The following SYT1 variants were observed in gnomAD, a reference collection of about 807,000 sequenced individuals.
The protein encoded by SYT1 is synaptotagmin-1.
In SYT1, 8 loss-of-function variants were observed where a neutral mutation model predicts 44.8. The ratio of observed to expected loss-of-function variants is 0.18; its 90% CI spans 0.10 to 0.32. The LOEUF (loss-of-function observed/expected upper bound fraction) is 0.32, where lower values mean the gene tolerates loss of function less well. SYT1 is among the 10% of genes least tolerant of loss of function. The probability of loss-of-function intolerance (pLI) is 1.00; values close to 1 mark genes in which losing one functional copy is unlikely to be tolerated. For synonymous variants in SYT1, 154 were observed against 188.8 expected (o/e 0.82, Z 1.51); for missense variants, 286 against 509.3 (o/e 0.56, Z 4.22).
chr12:79,212,908 G>A (rs1874547399), intron 3 of SYT1, among the ~76,000 whole-genome samples: 1 of 152,160 alleles, frequency 6.6e-6, no homozygotes, highest in Non-Finnish European at 1.5e-5. Flanking sequence ...ATAAGATTGA[G>A]TTACTTTTCA....
intron 9 of SYT1, among the ~76,000 whole-genome samples, chr12:79,382,174 G>A (rs1040964139): frequency 4.6e-5 from 7 of 152,148 alleles, no homozygotes; most frequent in South Asian, 2.1e-4. Flanking sequence ...GTTGCTTTAG[G>A]GAAGTGACTA....
At chr12:78,895,572 C>T (rs1016697064) in intron 1 of SYT1, among the ~76,000 whole-genome samples, 22 of 151,514 alleles carry the variant, frequency 1.5e-4, no homozygotes, top group African/African-American at 4.8e-4. Flanking sequence ...TAACACAATT[C>T]CATTTGTTGT....
At chr12:79,390,457 T>C (rs2136092233) in intron 9 of SYT1, among the ~76,000 whole-genome samples, 1 of 152,312 alleles carries the variant, frequency 6.6e-6, no homozygotes, top group East Asian at 1.9e-4. Context: ...ATTCTACAAT[T>C]TTTTTAAAAG....
chr12:79,130,876 T>G (rs893646941), intron 3 of SYT1, among the ~76,000 whole-genome samples: 1 of 152,208 alleles, frequency 6.6e-6, no homozygotes, highest in African/African-American at 2.4e-5. Context: ...CCCTTCATAG[T>G]TCTTAACACA....
At chr12:78,914,477 T>TTG (rs1876529213) in intron 1 of SYT1, among the ~76,000 whole-genome samples, 1 of 53,924 alleles carries the variant, frequency 1.9e-5, no homozygotes, top group Non-Finnish European at 3.6e-5. Context: ...CAGCAACAAA[T>TTG]TATAATTTGT....
In SYT1 at chr12:79,064,926, G is replaced by A. The variant is rs994411651; in HGVS notation, c.-18+17564G>A. 1.3e-4 allele frequency among the ~76,000 whole-genome samples: 14 copies of A among 111,526 alleles called. No individual in the cohort carries two copies. The South Asian group carries it at 1.3e-3, about 11-fold the overall frequency. The allele number at this position is 111,526 out of a possible 152,430, so 73.2% of individuals were successfully genotyped here. On this transcript the variant is annotated intron_variant, in intron 3 of 10. Transcript: ENST00000261205. ...CCCACTCTTTAGACAAAAAAATAGAGAGAAAGAAAGAAAGAAAGAAAGAAA... is the reference window on the plus strand; with the variant it reads ...CCCACTCTTTAGACAAAAAAATAGAAAGAAAGAAAGAAAGAAAGAAAGAAA...
At chr12:79,133,108 G>A (rs1388837802) in intron 3 of SYT1, among the ~76,000 whole-genome samples, 1 of 152,154 alleles carries the variant, frequency 6.6e-6, no homozygotes, top group Non-Finnish European at 1.5e-5. Flanking sequence ...GTCAGGGTGG[G>A]ATGAAGAGAG....
At chr12:78,877,108 C>T (rs1490837383) in intron 1 of SYT1, among the ~76,000 whole-genome samples, 1 of 149,494 alleles carries the variant, frequency 6.7e-6, no homozygotes, top group Admixed American at 6.8e-5. Context: ...AGTCTGTTCT[C>T]ACGCTGCTAA....
rs537602419 is a variant in SYT1, at chr12:79,357,277, C to G, written c.928+3658C>G. Among the ~76,000 whole-genome samples the G allele has an allele frequency of 2.0e-5, 3 of 152,278 alleles. No individual in the cohort carries two copies. In the South Asian group the frequency reaches 6.2e-4, roughly 32 times the overall value. On this transcript the variant is annotated intron_variant, in intron 9 of 10. Transcript: ENST00000261205. ...GACTATGCACATCTCTACAGTAGAT[C>G]CTTGCATTTGCATTCTTAATATCCC... is the stretch of plus-strand genomic sequence containing the variant.
intron 3 of SYT1, among the ~76,000 whole-genome samples, chr12:79,081,850 C>A (rs935351212): frequency 6.6e-6 from 1 of 152,068 alleles, no homozygotes; most frequent in Non-Finnish European, 1.5e-5. Context: ...CTCTGCTTTC[C>A]CCAGGAGCTT....
Position 79,382,148 on chromosome 12 carries a change from T to G in SYT1, c.928+28529T>G, listed in dbSNP as rs1308378504. The stretch of plus-strand genomic sequence containing the variant: ...ACAGATGAAAATGACACAGTGATTC[T>G]CAGTCGTGCGAGTCTGTTGCTTTAG... On this transcript the variant is annotated intron_variant, in intron 9 of 10. Coordinates refer to ENST00000261205, the MANE Select transcript of SYT1 (RefSeq NM_005639.3). Among the ~76,000 whole-genome samples the G allele has an allele frequency of 5.3e-5, 8 of 152,328 alleles. No individual in the cohort carries two copies. The East Asian group carries it at 1.4e-3, about 26-fold the overall frequency.
intron 9 of SYT1, among the ~76,000 whole-genome samples, chr12:79,394,366 G>A (rs1439408893): frequency 2.6e-5 from 4 of 152,120 alleles, no homozygotes; most frequent in Admixed American, 1.3e-4. Context: ...CAGTAAAAAT[G>A]CAGCTACAAA....
intron 4 of SYT1, among the ~76,000 whole-genome samples, chr12:79,271,644 C>A (rs1416729335): frequency 1.3e-5 from 2 of 152,146 alleles, no homozygotes; most frequent in Non-Finnish European, 2.9e-5. Flanking sequence ...AAATATTTTT[C>A]TTTGCACAAT....
intron 3 of SYT1, among the ~76,000 whole-genome samples, chr12:79,210,396 A>G (rs947617346): frequency 6.6e-6 from 1 of 151,822 alleles, no homozygotes; most frequent in African/African-American, 2.4e-5. Flanking sequence ...TTTATCTCTC[A>G]CCCCTCTCCC....
chr12:79,044,858 C>G (rs1262675899), intron 2 of SYT1, among the ~76,000 whole-genome samples: 2 of 151,974 alleles, frequency 1.3e-5, no homozygotes, highest in African/African-American at 4.8e-5. Context: ...ACAGGACCCT[C>G]AGCTGCAGGT....
intron 9 of SYT1, among the ~76,000 whole-genome samples, chr12:79,369,792 G>A (rs1883706958): frequency 6.6e-6 from 1 of 151,954 alleles, no homozygotes; most frequent in African/African-American, 2.4e-5. Context: ...TTTGATTCTT[G>A]TAACTGTCAC....
rs892275239 is a variant in SYT1 at position 78,887,395 on chromosome 12, A to C, written c.-217+22286A>C. ...GGATGCTGGCAATTCGGATATGCCA[A>C]AGAGAAGCCATAAAGTGCTTCTTCT... On this transcript the variant is annotated intron_variant, in intron 1 of 10. Coordinates refer to ENST00000261205, the MANE Select transcript of SYT1 (RefSeq NM_005639.3). 2.0e-5 allele frequency among the ~76,000 whole-genome samples: 3 copies of C among 151,986 alleles called. No individual in the cohort carries two copies. In the East Asian group the frequency reaches 5.8e-4, roughly 30 times the overall value.
chr12:79,368,426 C>T (rs1883642597), intron 9 of SYT1, among the ~76,000 whole-genome samples: 2 of 151,884 alleles, frequency 1.3e-5, no homozygotes, highest in South Asian at 4.2e-4. Flanking sequence ...AATGGGATGG[C>T]TGGGTCAAAT....
At chr12:79,098,944 T>G in intron 3 of SYT1, among the ~76,000 whole-genome samples, 1 of 152,164 alleles carries the variant, frequency 6.6e-6, no homozygotes, top group East Asian at 1.9e-4. Context: ...CTTTTTATCC[T>G]TTAGAGCTTT....
Sources: allele counts gnomAD v4.1 joint callset (sites outside exome capture counted in the v4.1 genomes callset), GRCh38; gene constraint gnomAD v4.1.1; transcripts MANE v1.5; gene names NCBI Gene and HGNC (gene_info 2026-07-23, HGNC 2026-07-21).